The following METTL16 variants were observed in gnomAD, a reference collection of about 807,000 sequenced individuals.
The protein encoded by METTL16 is methyltransferase 16, RNA N6-adenosine.
Under a neutral mutation model 57.9 loss-of-function variants are expected in METTL16, and 19 were observed. The ratio of observed to expected loss-of-function variants is 0.33; its 90% CI spans 0.23 to 0.48. METTL16 has a LOEUF of 0.48. Among genes scored for constraint, METTL16 ranks in the 20% least tolerant of loss-of-function variants. METTL16 has a pLI of 0.99. For missense variants in METTL16, 434 were observed against 691.5 expected, an observed-to-expected ratio of 0.63 and a Z score of 4.18; for synonymous variants, 246 against 255.6, an observed-to-expected ratio of 0.96 and a Z score of 0.36.
intron 2 of METTL16, among the ~76,000 whole-genome samples, chr17:2,501,730 C>G (rs1001191696): frequency 6.6e-6 from 1 of 151,744 alleles, no homozygotes; most frequent in Non-Finnish European, 1.5e-5. Context: ...TGGTGGCGGG[C>G]GCCTGTAATC....
At chr17:2,460,081 T>C (rs1458780643) in intron 6 of METTL16, 1 of 152,204 alleles carries the variant, frequency 6.6e-6, no homozygotes, top group African/African-American at 2.4e-5. Flanking sequence ...TAAGTCATCA[T>C]GGTAGGATGT....
intron 8 of METTL16, among the ~76,000 whole-genome samples, chr17:2,429,831 G>C (rs1325896614): frequency 2.0e-5 from 3 of 151,190 alleles, no homozygotes; most frequent in Non-Finnish European, 4.4e-5. Context: ...TTTTTTCTGA[G>C]GCGGAGTCTC....
At chr17:2,477,946 C>G (rs1483785850) in intron 2 of METTL16, 61 bp from the exon 3 acceptor site, 7 of 1,440,762 alleles carry the variant, frequency 4.9e-6, no homozygotes, top group African/African-American at 1.4e-5. Flanking sequence ...TGTACAAGCT[C>G]TACGGCAAAC....
chr17:2,494,209 A>T (rs2067423799), intron 2 of METTL16, among the ~76,000 whole-genome samples: 1 of 151,812 alleles, frequency 6.6e-6, no homozygotes, highest in Non-Finnish European at 1.5e-5. Flanking sequence ...TTTAGTAGAG[A>T]TGGGGTTTCT....
At chr17:2,454,896 A>G (rs1428943834) in intron 6 of METTL16, among the ~76,000 whole-genome samples, 2 of 151,716 alleles carry the variant, frequency 1.3e-5, no homozygotes, top group African/African-American at 4.8e-5. Context: ...AAGTGGAACC[A>G]AGGCTTTTAA....
intron 6 of METTL16, among the ~76,000 whole-genome samples, chr17:2,463,978 A>T (rs2067172014): frequency 6.6e-6 from 1 of 151,766 alleles, no homozygotes; most frequent in Non-Finnish European, 1.5e-5. Flanking sequence ...AGAAATACAA[A>T]AATTACAGGT....
chr17:2,509,173 G>A (rs2067568961), intron 1 of METTL16, among the ~76,000 whole-genome samples: 1 of 152,176 alleles, frequency 6.6e-6, no homozygotes, highest in African/African-American at 2.4e-5. Flanking sequence ...ACATAGACCT[G>A]CAACCATATC....
intron 4 of METTL16, among the ~76,000 whole-genome samples, chr17:2,469,216 C>A (rs1050893142): frequency 1.3e-5 from 2 of 151,294 alleles, no homozygotes; most frequent in South Asian, 4.2e-4. Context: ...CCAGCCTGGG[C>A]GACACAGCAA....
Position 2,489,704 on chromosome 17 carries a change from A to C in METTL16, c.129-11819T>G, listed in dbSNP as rs2067370571. ...CAGTGAGCCAAGATCACGCCACTGC[A>C]CTCCAGCCTGGATGACAGAGCGAGA... is the stretch of plus-strand genomic sequence containing the variant. On this transcript the variant is annotated intron_variant, in intron 2 of 9. Transcript: ENST00000263092. Among the ~76,000 whole-genome samples, 3 of 115,768 alleles carry C rather than the reference A, an allele frequency of 2.6e-5. No homozygotes were observed. In the Admixed American group the frequency reaches 3.9e-4, roughly 15 times the overall value. The allele number at this position is 115,768 out of a possible 152,430, so 75.9% of individuals were successfully genotyped here.
chr17:2,448,802 T>TTA (rs1555617301), intron 6 of METTL16, among the ~76,000 whole-genome samples: 8 of 43,640 alleles, frequency 1.8e-4, no homozygotes, highest in African/African-American at 6.5e-4. Flanking sequence ...AAATAAAATT[T>TTA]AAAAAAAAAA....
chr17:2,433,475 T>C (rs1050380707), intron 8 of METTL16, among the ~76,000 whole-genome samples: 52 of 152,194 alleles, frequency 3.4e-4, no homozygotes, highest in Non-Finnish European at 7.4e-4. Flanking sequence ...GCTAGGATGG[T>C]CCATAAGCAA....
At chr17:2,447,483 C>A (rs1297308625) in intron 6 of METTL16, among the ~76,000 whole-genome samples, 16 of 131,184 alleles carry the variant, frequency 1.2e-4, no homozygotes, top group Non-Finnish European at 2.5e-4. Context: ...CCAGCCGCCC[C>A]GTCCGGGAGG....
Position 2,511,810 on chromosome 17 carries a change from A to G in METTL16, c.-52T>C, listed in dbSNP as rs1390587494. The stretch of plus-strand genomic sequence containing the variant: ...GTCGTGTCTGGCGTGGGCCTGTACA[A>G]CCCTAGAATCTTAAAGCAGCCGCAT... On this transcript the variant is annotated 5_prime_UTR_variant, in exon 1 of 10. Coordinates refer to ENST00000263092, the MANE Select transcript of METTL16 (RefSeq NM_024086.4). The G allele has an allele frequency of 5.0e-6, 2 of 398,436 alleles. No individual in the cohort carries two copies. The highest frequency in any genetic ancestry group is 7.1e-5 in the East Asian group (2 of 28,070). 24.7% of individuals were successfully genotyped at this position (398,436 alleles called of 1,614,324 possible).
chr17:2,475,833 T>C (rs1464190387), intron 3 of METTL16, among the ~76,000 whole-genome samples: 2 of 152,204 alleles, frequency 1.3e-5, no homozygotes, highest in African/African-American at 4.8e-5. Context: ...GTAGTGCCCC[T>C]TGTGAAGAAT....
chr17:2,429,514 C>A (rs752896286), intron 8 of METTL16, among the ~76,000 whole-genome samples: 2 of 150,574 alleles, frequency 1.3e-5, no homozygotes, highest in Non-Finnish European at 3.0e-5. Flanking sequence ...TCCGGCTTTA[C>A]TAGATGAACT....
intron 2 of METTL16, among the ~76,000 whole-genome samples, chr17:2,497,555 C>G (rs890190599): frequency 1.6e-4 from 24 of 151,346 alleles, no homozygotes; most frequent in Non-Finnish European, 2.9e-5. Context: ...TCAAGCCATT[C>G]GCTGGCCTCT....
At chr17:2,425,794 C>T (rs1373589053) in intron 8 of METTL16, among the ~76,000 whole-genome samples, 1 of 151,984 alleles carries the variant, frequency 6.6e-6, no homozygotes, top group Non-Finnish European at 1.5e-5. Flanking sequence ...TCAAGTGATC[C>T]TCCCACCTCA....
chr17:2,431,121 A>G (rs1187228791), intron 8 of METTL16, among the ~76,000 whole-genome samples: 2 of 151,970 alleles, frequency 1.3e-5, no homozygotes, highest in African/African-American at 4.8e-5. Flanking sequence ...AATTTTTGTT[A>G]CTTTTAGTAG....
chr17:2,439,428 C>T (rs564324347), intron 7 of METTL16, among the ~76,000 whole-genome samples: 1 of 152,148 alleles, frequency 6.6e-6, no homozygotes, highest in Non-Finnish European at 1.5e-5. Context: ...TACTTACTTG[C>T]GACCTGCCTT....
Sources: gnomAD v4.1 joint callset for allele counts (sites outside exome capture counted in the v4.1 genomes callset) on GRCh38, gnomAD v4.1.1 for gene constraint, MANE v1.5 for transcripts, NCBI Gene and HGNC (gene_info 2026-07-23, HGNC 2026-07-21) for gene names.